SYF2: variants seen among roughly 807,000 people sequenced by gnomAD.
The protein encoded by SYF2 is pre-mRNA-splicing factor SYF2.
SYF2 carries 21 observed loss-of-function variants against 32.7 expected under a neutral mutation model. That is an observed-to-expected ratio of 0.64 (90% CI 0.45 to 0.92). The LOEUF is 0.92. Among genes scored for constraint, SYF2 ranks in the 40% least tolerant of loss-of-function variants. SYF2 has a pLI of 0.00. For synonymous variants in SYF2, 114 were observed against 103.9 expected, an observed-to-expected ratio of 1.10 and a Z score of -0.59; for missense variants, 278 against 296.5, an observed-to-expected ratio of 0.94 and a Z score of 0.46.
chr1:25,229,553 T>C (rs984725886), intron 2 of SYF2, among the ~76,000 whole-genome samples: 2 of 152,128 alleles, frequency 1.3e-5, no homozygotes, highest in African/African-American at 2.4e-5. Context: ...GGCAGGTGGA[T>C]CACCTGAGGT....
rs1273434990 is a variant in SYF2, at chr1:25,222,398, G to A, written c.*868C>T. 6.6e-6 allele frequency among the ~76,000 whole-genome samples: 1 copy of A among 151,444 alleles called. No homozygotes were observed. The highest frequency in any genetic ancestry group is 2.4e-5 in the African/African-American group (1 of 41,178). On this transcript the variant is annotated 3_prime_UTR_variant, in exon 7 of 7. Coordinates refer to ENST00000236273, the MANE Select transcript of SYF2 (RefSeq NM_015484.5). ...TGGTCATTTAAGTCTTTATCTTTCA[G>A]AGATACATACTAAAATAATTATAGA...
intron 4 of SYF2, 51 bp downstream of exon 4, chr1:25,228,067 A>G (rs759977101): frequency 6.9e-7 from 1 of 1,441,768 alleles, no homozygotes; most frequent in South Asian, 1.2e-5. Flanking sequence ...GAAACAATGA[A>G]GGAAATGACT....
chr1:25,231,945 G>A, intron 2 of SYF2, 159 bp downstream of exon 2: 3 of 746,566 alleles, frequency 4.0e-6, no homozygotes, highest in Non-Finnish European at 7.2e-6. Context: ...TGATCCCAAT[G>A]TGCTGCCAGG....
chr1:25,227,057 C>T (rs766116963), intron 5 of SYF2, among the ~76,000 whole-genome samples: 21 of 151,052 alleles, frequency 1.4e-4, no homozygotes, highest in Non-Finnish European at 2.7e-4. Context: ...CTGAGGTGGA[C>T]GGATCACTTG....
At chr1:25,223,661 A>G (rs1292667443) in intron 6 of SYF2, among the ~76,000 whole-genome samples, 1 of 152,198 alleles carries the variant, frequency 6.6e-6, no homozygotes, top group Admixed American at 6.5e-5. Flanking sequence ...TGCTAGAGCG[A>G]TGACTCATTG....
In SYF2 at chr1:25,223,301, T is replaced by C. The variant is rs745935514; in HGVS notation, c.697A>G (p.Ile233Val). Residue 233 changes from isoleucine (I) to valine (V), a missense_variant, in exon 7 of 7, where the codon ATT becomes GTT. Ile to Val is a conservative substitution (Grantham distance 29). Transcript: ENST00000236273. ...ERFYGKYTAE[I>V]KQNLERGTAV Reference sequence around the variant, plus strand: ...GTTCCTCTTTCCAAATTCTGTTTAATTTCAGCTGTGTATTTCCCATAGAAT... The same window carrying C: ...GTTCCTCTTTCCAAATTCTGTTTAACTTCAGCTGTGTATTTCCCATAGAAT... 2.1e-5 allele frequency: 34 copies of C among 1,613,776 alleles called. No homozygotes were observed. The highest frequency in any genetic ancestry group is 2.7e-5 in the Non-Finnish European group (32 of 1,179,966).
At chr1:25,230,607 T>A (rs1173515470) in intron 2 of SYF2, 1 of 152,152 alleles carries the variant, frequency 6.6e-6, no homozygotes, top group Admixed American at 6.5e-5. Flanking sequence ...GCCCTGCAAT[T>A]AAAGACGCCA....
chr1:25,223,330 T>A lies in SYF2; in HGVS notation c.668A>T (p.Glu223Val). 6.2e-7 allele frequency: 1 copy of A among 1,614,014 alleles called. No homozygotes were observed. The highest frequency in any genetic ancestry group is 1.1e-5 in the South Asian group (1 of 91,072). ...ERNAKFNKKA[E>V]RFYGKYTAEI... ...AGCTGTGTATTTCCCATAGAATCTTTCAGCTTTCTTGTTGAATTTGGCATT... is the reference window on the plus strand; with the variant it reads ...AGCTGTGTATTTCCCATAGAATCTTACAGCTTTCTTGTTGAATTTGGCATT... Residue 223 changes from glutamate to valine, a missense_variant, in exon 7 of 7, where the codon GAA becomes GTA. By Grantham distance (121) the Glu-to-Val change is moderately radical. Transcript: ENST00000236273.
chr1:25,232,410 A>T, intron 1 of SYF2, 34 bp downstream of exon 1: 1 of 1,614,160 alleles, frequency 6.2e-7, no homozygotes, highest in South Asian at 1.1e-5. Flanking sequence ...ACCCTCACCA[A>T]CAAAACCCCC....
chr1:25,232,341 G>T, intron 1 of SYF2, 103 bp downstream of exon 1: 1 of 1,602,466 alleles, frequency 6.2e-7, no homozygotes. Flanking sequence ...CACAGTGTCT[G>T]AGCCTCCCTG....
chr1:25,228,903 G>C (rs1638570258), intron 3 of SYF2, 95 bp downstream of exon 3: 4 of 1,450,384 alleles, frequency 2.8e-6, no homozygotes, highest in Non-Finnish European at 3.7e-6. Context: ...TGGCAGCTTG[G>C]CCTAAGAGCC....
chr1:25,232,457 A>T lies in SYF2; in HGVS notation c.11T>A (p.Ile4Lys). Residue 4 changes from isoleucine to lysine, a missense_variant, in exon 1 of 7, where the codon ATA (isoleucine) becomes AAA (lysine). Coordinates refer to ENST00000236273, the MANE Select transcript of SYF2 (RefSeq NM_015484.5). ...GGTGGAACTCACCTCGGATGCAGCT[A>T]TAGCCGCCATCACAACCTTTCTCTC... Reference protein sequence around the residue: MAAIAASEVLVDSA... With the variant: MAAKAASEVLVDSA... 2.5e-6 allele frequency: 4 copies of T among 1,614,222 alleles called. No individual in the cohort carries two copies. Among genetic ancestry groups the T allele is most frequent in the Non-Finnish European group, 3.4e-6 (4 of 1,180,028 alleles).
In SYF2 at chr1:25,225,079, T is replaced by A. The variant is rs1638480061; in HGVS notation, c.489A>T (p.Thr163=). The stretch of plus-strand genomic sequence containing the variant: ...GTGTTCCATGAAGAAGACTATTGGA[T>A]GTTGGGAAAAACTCTTCTCCACTGA... ...REKHGEEFFP[T]SNSLLHGTHV... The change falls in exon 6 of 7, where the codon ACA becomes ACT. Residue 163 remains threonine, a synonymous_variant. Transcript: ENST00000236273. The A allele has an allele frequency of 6.2e-7, 1 of 1,614,032 alleles. No homozygotes were observed. Among genetic ancestry groups the A allele is most frequent in the African/African-American group, 1.3e-5 (1 of 75,054 alleles).
At chr1:25,231,837 A>T in intron 2 of SYF2, 1 of 544,076 alleles carries the variant, frequency 1.8e-6, no homozygotes, top group Non-Finnish European at 3.3e-6. Flanking sequence ...GGAGGTTGTT[A>T]GTAATGGAGA....
In SYF2 at chr1:25,232,158, G is replaced by C. The variant is rs202245763; in HGVS notation, c.78C>G (p.Ala26=). 6 of 1,613,744 alleles carry C rather than the reference G, an allele frequency of 3.7e-6. No individual in the cohort carries two copies. In the South Asian group the frequency reaches 5.5e-5, roughly 15 times the overall value. Reference sequence around the variant, plus strand: ...GCAGTCTCTGTTCGCGCTTCTGAGCGGCCAGCTCCGCCGCCGCAGCGAGGG... The same window carrying C: ...GCAGTCTCTGTTCGCGCTTCTGAGCCGCCAGCTCCGCCGCCGCAGCGAGGG... ...EGSLAAAAEL[A]AQKREQRLRK... is the part of the protein sequence containing the mutation. The change falls in exon 2 of 7, where the codon GCC becomes GCG. Residue 26 remains alanine (A), a synonymous_variant. Coordinates refer to ENST00000236273, the MANE Select transcript of SYF2 (RefSeq NM_015484.5).
intron 6 of SYF2, among the ~76,000 whole-genome samples, chr1:25,223,686 G>A (rs1489425373): frequency 2.0e-5 from 3 of 152,094 alleles, no homozygotes; most frequent in Non-Finnish European, 4.4e-5. Flanking sequence ...GAACTTGACT[G>A]TACTGAAGAA....
intron 2 of SYF2, chr1:25,231,738 TCTTA>T (rs1441403974): frequency 4.1e-6 from 1 of 243,452 alleles, no homozygotes; most frequent in African/African-American, 2.3e-5. Flanking sequence ...GAACCAGGTC[TCTTA>T]CTGACACTAG....
intron 5 of SYF2, among the ~76,000 whole-genome samples, chr1:25,225,546 T>G (rs942141236): frequency 2.0e-5 from 3 of 151,014 alleles, no homozygotes; most frequent in Non-Finnish European, 4.4e-5. Flanking sequence ...AAATTTTTTT[T>G]AATTAAAAGA....
chr1:25,232,370 CCTCCACCTCT>C (rs1191755064), intron 1 of SYF2, 64 bp downstream of exon 1: 12 of 1,611,782 alleles, frequency 7.4e-6, no homozygotes, highest in Admixed American at 1.7e-5. Flanking sequence ...CTAGACTTCG[CCTCCACCTCT>C]CTCCAGGCCG....
Sources: gnomAD v4.1 joint callset for allele counts (sites outside exome capture counted in the v4.1 genomes callset) on GRCh38, gnomAD v4.1.1 for gene constraint, MANE v1.5 for transcripts, NCBI Gene and HGNC (gene_info 2026-07-23, HGNC 2026-07-21) for gene names.